HTR1F: variants seen among roughly 807,000 people sequenced by gnomAD.
The protein encoded by HTR1F is 5-hydroxytryptamine (serotonin) receptor 1F, G protein-coupled.
In HTR1F, 17 loss-of-function variants were observed where a neutral mutation model predicts 24.0. The observed-to-expected ratio is 0.71, with a 90% CI of 0.48 to 1.06. The LOEUF (loss-of-function observed/expected upper bound fraction) is 1.06, where lower values mean the gene tolerates loss of function less well. HTR1F is among the 50% of genes least tolerant of loss of function. The probability of loss-of-function intolerance (pLI) is 0.00; values close to 1 mark genes in which losing one functional copy is unlikely to be tolerated. For missense variants in HTR1F, 391 were observed against 427.8 expected, an observed-to-expected ratio of 0.91 and a Z score of 0.76; for synonymous variants, 186 against 156.8, an observed-to-expected ratio of 1.19 and a Z score of -1.39.
At position 87,960,244 on chromosome 3, in the gene HTR1F, G is replaced by A. The variant is rs549031743; in HGVS notation, c.-42-30464G>A. ...CAGCTGCCTTTTCACTACTTGATGA[G>A]CCTTCATTTACCCCTGTGAGTGGCT... is the stretch of plus-strand genomic sequence containing the variant. On this transcript the variant is annotated intron_variant, in intron 2 of 2. Transcript: ENST00000319595. Among the ~76,000 whole-genome samples the A allele has an allele frequency of 1.8e-4, 27 of 151,926 alleles. 1 individual carries two copies. The highest frequency in any genetic ancestry group is 3.7e-4 in the Non-Finnish European group (25 of 67,938).
At chr3:87,946,905 A>G (rs778919800) in intron 2 of HTR1F, among the ~76,000 whole-genome samples, 66 of 152,222 alleles carry the variant, frequency 4.3e-4, no homozygotes, top group Non-Finnish European at 7.4e-4. Flanking sequence ...GATTACAGGC[A>G]TGAGCCACCA....
intron 2 of HTR1F, among the ~76,000 whole-genome samples, chr3:87,851,531 T>A (rs1302480912): frequency 3.3e-5 from 5 of 151,706 alleles, no homozygotes; most frequent in Non-Finnish European, 7.4e-5. Context: ...TCTGTTTGCA[T>A]CTTACTTTTA....
At chr3:87,880,290 G>A (rs1405094990) in intron 2 of HTR1F, among the ~76,000 whole-genome samples, 1 of 152,038 alleles carries the variant, frequency 6.6e-6, no homozygotes, top group Non-Finnish European at 1.5e-5. Flanking sequence ...GTATCAAATT[G>A]TACACTTTAA....
chr3:87,810,307 G>A (rs1374318170), intron 1 of HTR1F, among the ~76,000 whole-genome samples: 2 of 152,006 alleles, frequency 1.3e-5, no homozygotes, highest in Non-Finnish European at 2.9e-5. Context: ...TTCCTTCATC[G>A]GAAATGTCAT....
chr3:87,978,173 G>T (rs1705439935), intron 2 of HTR1F, among the ~76,000 whole-genome samples: 2 of 152,164 alleles, frequency 1.3e-5, no homozygotes, highest in Admixed American at 1.3e-4. Context: ...CCCACCTCTG[G>T]ATGAGGGGAA....
At chr3:87,921,447 A>G (rs1704010321) in intron 2 of HTR1F, among the ~76,000 whole-genome samples, 1 of 151,914 alleles carries the variant, frequency 6.6e-6, no homozygotes, top group African/African-American at 2.4e-5. Flanking sequence ...CTTTTTTTAT[A>G]CACGATATAA....
chr3:87,920,397 T>C (rs1231145548), intron 2 of HTR1F, among the ~76,000 whole-genome samples: 2 of 151,598 alleles, frequency 1.3e-5, no homozygotes, highest in African/African-American at 4.8e-5. Flanking sequence ...CAATAACCTA[T>C]GGAAATAAAA....
At chr3:87,834,399 C>T (rs1244209118) in intron 2 of HTR1F, among the ~76,000 whole-genome samples, 1 of 151,574 alleles carries the variant, frequency 6.6e-6, no homozygotes, top group Non-Finnish European at 1.5e-5. Flanking sequence ...CAATTTGGGA[C>T]TTAAAAAGCA....
rs548069420 is a variant in HTR1F at position 87,922,295 on chromosome 3, A to G, written c.-42-68413A>G. 1.4e-3 allele frequency among the ~76,000 whole-genome samples: 206 copies of G among 151,684 alleles called. 1 individual carries two copies. Among genetic ancestry groups the G allele is most frequent in the African/African-American group, 4.7e-3 (195 of 41,428 alleles). ...ATTAATGATGTTGAGCATTTTTTTC[A>G]TATACTTCTTGGCCATTTATAGGTA... On this transcript the variant is annotated intron_variant, in intron 2 of 2. Transcript: ENST00000319595.
At chr3:87,927,152 G>A (rs1704145261) in intron 2 of HTR1F, among the ~76,000 whole-genome samples, 1 of 152,106 alleles carries the variant, frequency 6.6e-6, no homozygotes, top group South Asian at 2.1e-4. Context: ...ATGGTTATAT[G>A]CCACAACTTA....
intron 2 of HTR1F, among the ~76,000 whole-genome samples, chr3:87,835,785 G>A (rs1048002087): frequency 1.3e-5 from 2 of 152,116 alleles, no homozygotes; most frequent in African/African-American, 4.8e-5. Flanking sequence ...CAGATAACTT[G>A]AGCCATTATT....
At chr3:87,938,853 A>G (rs766122255) in intron 2 of HTR1F, among the ~76,000 whole-genome samples, 2 of 152,192 alleles carry the variant, frequency 1.3e-5, no homozygotes, top group African/African-American at 4.8e-5. Flanking sequence ...CAACCTAGCC[A>G]ATATTATCCT....
intron 2 of HTR1F, among the ~76,000 whole-genome samples, chr3:87,981,040 G>A (rs1381752626): frequency 2.0e-5 from 3 of 152,136 alleles, no homozygotes; most frequent in Admixed American, 6.5e-5. Flanking sequence ...AGGGTGCAGG[G>A]TTCTCACCTG....
chr3:87,830,817 G>T (rs1341790529), intron 2 of HTR1F, among the ~76,000 whole-genome samples: 1 of 152,162 alleles, frequency 6.6e-6, no homozygotes, highest in African/African-American at 2.4e-5. Flanking sequence ...TTGCGCCAGA[G>T]ATTTAAAGTC....
At chr3:87,909,161 C>T (rs1703724462) in intron 2 of HTR1F, among the ~76,000 whole-genome samples, 1 of 151,886 alleles carries the variant, frequency 6.6e-6, no homozygotes, top group Non-Finnish European at 1.5e-5. Flanking sequence ...ACTCTCTAGC[C>T]CATTCTTCCC....
At chr3:87,983,407 A>G (rs1705595068) in intron 2 of HTR1F, among the ~76,000 whole-genome samples, 2 of 152,176 alleles carry the variant, frequency 1.3e-5, no homozygotes. Flanking sequence ...AGAGTTATGG[A>G]GCAATCCTAT....
chr3:87,944,154 G>A (rs1296032676), intron 2 of HTR1F, among the ~76,000 whole-genome samples: 6 of 152,152 alleles, frequency 3.9e-5, no homozygotes, highest in African/African-American at 1.2e-4. Context: ...CTGGATTCTA[G>A]TGGTCCTTTA....
chr3:87,840,898 A>G (rs1480115547), intron 2 of HTR1F, among the ~76,000 whole-genome samples: 3 of 148,652 alleles, frequency 2.0e-5, no homozygotes. Flanking sequence ...ATAGAAGTAG[A>G]AAATAGAAAG....
At chr3:87,932,342 A>G (rs1704297777) in intron 2 of HTR1F, among the ~76,000 whole-genome samples, 1 of 152,134 alleles carries the variant, frequency 6.6e-6, no homozygotes, top group South Asian at 2.1e-4. Flanking sequence ...TTTGTCAAAG[A>G]TCAGATAGTT....
Sources: allele counts gnomAD v4.1 joint callset (sites outside exome capture counted in the v4.1 genomes callset), GRCh38; gene constraint gnomAD v4.1.1; transcripts MANE v1.5; gene names NCBI Gene and HGNC (gene_info 2026-07-23, HGNC 2026-07-21).